EGFR: variants seen among roughly 807,000 people sequenced by gnomAD.
EGFR encodes avian erythroblastic leukemia viral (v-erb-b) oncogene homolog.
EGFR carries 58 observed loss-of-function variants against 143.0 expected under a neutral mutation model. The ratio of observed to expected loss-of-function variants is 0.41; its 90% CI spans 0.33 to 0.50. The LOEUF (loss-of-function observed/expected upper bound fraction) is 0.50, where lower values mean the gene tolerates loss of function less well. Among genes scored for constraint, EGFR ranks in the 20% least tolerant of loss-of-function variants. The pLI is 0.39. For synonymous variants in EGFR, 613 were observed against 594.4 expected, an observed-to-expected ratio of 1.03 and a Z score of -0.45; for missense variants, 1,307 against 1,579.0, an observed-to-expected ratio of 0.83 and a Z score of 2.92.
chr7:55,064,754 G>T (rs1316563859), intron 1 of EGFR, among the ~76,000 whole-genome samples: 3 of 152,202 alleles, frequency 2.0e-5, no homozygotes, highest in Non-Finnish European at 4.4e-5. Flanking sequence ...TTTTCTCATT[G>T]ATCTTAGCCT....
intron 20 of EGFR, among the ~76,000 whole-genome samples, chr7:55,186,482 T>C (rs774991033): frequency 2.6e-5 from 4 of 152,212 alleles, no homozygotes; most frequent in Admixed American, 1.3e-4. Flanking sequence ...AGAGGATGAC[T>C]TACCCAGCAC....
At chr7:55,086,832 C>T (rs1457102247) in intron 1 of EGFR, among the ~76,000 whole-genome samples, 1 of 152,182 alleles carries the variant, frequency 6.6e-6, no homozygotes, top group Non-Finnish European at 1.5e-5. Context: ...CCTTCAAAGC[C>T]GTGAGTCAAC....
At chr7:55,100,028 G>A (rs1791711580) in intron 1 of EGFR, among the ~76,000 whole-genome samples, 1 of 152,212 alleles carries the variant, frequency 6.6e-6, no homozygotes, top group Non-Finnish European at 1.5e-5. Flanking sequence ...GACCCAGCCA[G>A]CAGACTGCCG....
chr7:55,027,541 G>T (rs963875542), intron 1 of EGFR, among the ~76,000 whole-genome samples: 1 of 152,190 alleles, frequency 6.6e-6, no homozygotes, highest in African/African-American at 2.4e-5. Context: ...AAATTAAAAT[G>T]ATCCTTTTTA....
intron 1 of EGFR, among the ~76,000 whole-genome samples, chr7:55,072,425 C>T (rs866000806): frequency 1.3e-5 from 2 of 152,176 alleles, no homozygotes; most frequent in Non-Finnish European, 2.9e-5. Flanking sequence ...AGCAGCTGCA[C>T]CTGCATTTTC....
At chr7:55,182,705 G>A (rs1786944051) in intron 20 of EGFR, among the ~76,000 whole-genome samples, 1 of 152,166 alleles carries the variant, frequency 6.6e-6, no homozygotes, top group Admixed American at 6.5e-5. Context: ...TGATATCTCA[G>A]CTGCAGCCAC....
rs1788078314 is a variant in EGFR, at chr7:55,205,581, G to A, written c.3597G>A (p.Arg1199=). The A allele has an allele frequency of 6.2e-7, 1 of 1,614,014 alleles. No individual in the cohort carries two copies. Among genetic ancestry groups the A allele is most frequent in the African/African-American group, 1.3e-5 (1 of 74,882 alleles). ...GSTAENAEYL[R]VAPQSSEFIG... ...CAGCTGAAAATGCAGAATACCTAAG[G>A]GTCGCGCCACAAAGCAGTGAATTTA... Residue 1199 remains arginine (R), a synonymous_variant, in exon 28 of 28, where the codon AGG becomes AGA. Coordinates refer to ENST00000275493, the MANE Select transcript of EGFR (RefSeq NM_005228.5).
Position 55,165,370 on chromosome 7 carries a change from A to G in EGFR, c.1813A>G (p.Thr605Ala), listed in dbSNP as rs1436144358. The G allele has an allele frequency of 6.2e-7, 1 of 1,614,080 alleles. No homozygotes were observed. Among genetic ancestry groups the G allele is most frequent in the Non-Finnish European group, 8.5e-7 (1 of 1,180,014 alleles). The part of the protein sequence containing the change: ...CPAGVMGENN[T>A]LVWKYADAGH... ...GGCAGGAGTCATGGGAGAAAACAAC[A>G]CCCTGGTCTGGAAGTACGCAGACGC... is the stretch of plus-strand genomic sequence containing the variant. Residue 605 changes from threonine (T) to alanine (A), a missense_variant, in exon 15 of 28, where the codon ACC (threonine) becomes GCC (alanine). Physicochemically the swap from Thr to Ala is moderately conservative, Grantham distance 58. This residue lies in a region of EGFR where 250 missense variants were observed against 295.1 expected (regional missense o/e 0.85). Coordinates refer to ENST00000275493, the MANE Select transcript of EGFR (RefSeq NM_005228.5).
intron 7 of EGFR, 86 bp from the exon 8 acceptor site, chr7:55,155,744 C>A (rs2128937148): frequency 1.0e-6 from 1 of 979,646 alleles, no homozygotes; most frequent in Non-Finnish European, 1.7e-6. Flanking sequence ...CTTTCCATCA[C>A]CCCTCAAGAG....
chr7:55,188,683 G>T (rs1325597173), intron 20 of EGFR, among the ~76,000 whole-genome samples: 2 of 152,136 alleles, frequency 1.3e-5, no homozygotes, highest in Non-Finnish European at 2.9e-5. Flanking sequence ...AGGCCGTATC[G>T]CAGCTCTTAT....
chr7:55,142,932 T>G (rs1794547373), intron 2 of EGFR, among the ~76,000 whole-genome samples: 1 of 152,236 alleles, frequency 6.6e-6, no homozygotes, highest in African/African-American at 2.4e-5. Flanking sequence ...TTACTTAGCC[T>G]TCTTCTGTTT....
intron 1 of EGFR, among the ~76,000 whole-genome samples, chr7:55,047,157 G>T (rs1014630399): frequency 1.3e-5 from 2 of 152,142 alleles, no homozygotes; most frequent in African/African-American, 4.8e-5. Context: ...AGAAAAGGTG[G>T]CCCAGAAACC....
chr7:55,174,178 C>A (rs966583564), intron 18 of EGFR, 135 bp downstream of exon 18: 20 of 1,310,172 alleles, frequency 1.5e-5, no homozygotes, highest in Non-Finnish European at 2.0e-5. Flanking sequence ...TTGGGAAACT[C>A]CAGTGTTTTT....
intron 1 of EGFR, among the ~76,000 whole-genome samples, chr7:55,132,396 A>T (rs566121028): frequency 6.6e-6 from 1 of 152,352 alleles, no homozygotes; most frequent in Admixed American, 6.5e-5. Context: ...CTTACAGATA[A>T]CTATGAACAA....
intron 1 of EGFR, among the ~76,000 whole-genome samples, chr7:55,089,773 C>A (rs1003390708): frequency 6.6e-6 from 1 of 152,050 alleles, no homozygotes; most frequent in Non-Finnish European, 1.5e-5. Flanking sequence ...CCTAACCTGC[C>A]GGAGCCCATG....
intron 1 of EGFR, among the ~76,000 whole-genome samples, chr7:55,080,786 A>G (rs890710316): frequency 2.0e-5 from 3 of 152,196 alleles, no homozygotes; most frequent in African/African-American, 4.8e-5. Context: ...TCAAAACATC[A>G]TGTTGTATAC....
intron 1 of EGFR, among the ~76,000 whole-genome samples, chr7:55,084,829 A>G (rs1188946159): frequency 1.3e-5 from 2 of 152,188 alleles, no homozygotes; most frequent in Non-Finnish European, 1.5e-5. Flanking sequence ...TTGCCTTCAG[A>G]GAAGTGGAGT....
intron 3 of EGFR, among the ~76,000 whole-genome samples, chr7:55,146,106 C>A (rs759391043): frequency 2.0e-5 from 3 of 152,042 alleles, no homozygotes; most frequent in Non-Finnish European, 4.4e-5. Flanking sequence ...CATTCAGATT[C>A]TTCTTGTTTC....
intron 1 of EGFR, among the ~76,000 whole-genome samples, chr7:55,071,526 C>G (rs916749330): frequency 1.3e-5 from 2 of 152,232 alleles, no homozygotes; most frequent in African/African-American, 4.8e-5. Context: ...ACCCACCTCT[C>G]CACCTGCCCT....
Sources: allele counts gnomAD v4.1 joint callset (sites outside exome capture counted in the v4.1 genomes callset), GRCh38; gene constraint gnomAD v4.1.1; regional missense constraint gnomAD v4.1.1; transcripts MANE v1.5; gene names NCBI Gene and HGNC (gene_info 2026-07-23, HGNC 2026-07-21).